CTIF: variants seen among roughly 807,000 people sequenced by gnomAD.
The protein encoded by CTIF is CBP80/20-dependent translation initiation factor.
CTIF carries 21 observed loss-of-function variants against 66.0 expected under a neutral mutation model. That is an observed-to-expected ratio of 0.32 (90% CI 0.23 to 0.46). The LOEUF (loss-of-function observed/expected upper bound fraction) is 0.46, where lower values mean the gene tolerates loss of function less well. Ranked by LOEUF, CTIF falls within the 20% of genes least tolerant of loss-of-function variation. The probability of loss-of-function intolerance (pLI) is 1.00; values close to 1 mark genes in which losing one functional copy is unlikely to be tolerated. For missense variants in CTIF, 739 were observed against 812.7 expected, an observed-to-expected ratio of 0.91 and a Z score of 1.10; for synonymous variants, 345 against 326.4, an observed-to-expected ratio of 1.06 and a Z score of -0.62.
chr18:48,689,321 ACT>A (rs2091891713), intron 6 of CTIF, among the ~76,000 whole-genome samples: 1 of 152,172 alleles, frequency 6.6e-6, no homozygotes. Flanking sequence ...CATAAAAATA[ACT>A]CAAATCTATG....
At chr18:48,742,153 C>G (rs1157610304) in intron 7 of CTIF, among the ~76,000 whole-genome samples, 1 of 152,218 alleles carries the variant, frequency 6.6e-6, no homozygotes, top group Non-Finnish European at 1.5e-5. Flanking sequence ...ACAGACAGGG[C>G]TTTTCTCATG....
chr18:48,764,537 C>T (rs1216226070), intron 9 of CTIF, among the ~76,000 whole-genome samples: 1 of 152,100 alleles, frequency 6.6e-6, no homozygotes, highest in Non-Finnish European at 1.5e-5. Context: ...AAAAGGAAGG[C>T]GCTGGAAGCC....
intron 1 of CTIF, among the ~76,000 whole-genome samples, chr18:48,610,740 A>C (rs2090293434): frequency 6.6e-6 from 1 of 152,336 alleles, no homozygotes; most frequent in African/African-American, 2.4e-5. Flanking sequence ...CCAGCTCCTC[A>C]GTGACTCATG....
At chr18:48,656,968 C>T (rs559766691) in intron 3 of CTIF, among the ~76,000 whole-genome samples, 3 of 152,128 alleles carry the variant, frequency 2.0e-5, no homozygotes, top group African/African-American at 4.8e-5. Context: ...TGAGTCTGTG[C>T]GAAGAAATAT....
intron 3 of CTIF, among the ~76,000 whole-genome samples, chr18:48,645,042 A>T (rs2091001354): frequency 6.6e-6 from 1 of 152,166 alleles, no homozygotes; most frequent in Non-Finnish European, 1.5e-5. Flanking sequence ...TATAGACCTA[A>T]ACTTCTGCTT....
intron 6 of CTIF, among the ~76,000 whole-genome samples, chr18:48,697,391 A>G (rs747704669): frequency 1.7e-4 from 26 of 152,234 alleles, no homozygotes; most frequent in Non-Finnish European, 3.7e-4. Flanking sequence ...CTGTGTGACC[A>G]GATGGATTCC....
chr18:48,723,336 G>GATGAATGA (rs150039010), intron 7 of CTIF, among the ~76,000 whole-genome samples: 30 of 151,850 alleles, frequency 2.0e-4, no homozygotes, highest in South Asian at 4.2e-4. Context: ...CATTCAAAGG[G>GATGAATGA]ATGAATGAAT....
At chr18:48,743,303 A>G (rs1448349788) in intron 7 of CTIF, among the ~76,000 whole-genome samples, 6 of 152,164 alleles carry the variant, frequency 3.9e-5, no homozygotes, top group Non-Finnish European at 5.9e-5. Flanking sequence ...ACGTCGTGCA[A>G]TTTGGACAGA....
intron 10 of CTIF, among the ~76,000 whole-genome samples, chr18:48,833,405 G>A (rs1010732013): frequency 1.3e-5 from 2 of 152,046 alleles, no homozygotes; most frequent in Admixed American, 6.5e-5. Flanking sequence ...AGTACAGATA[G>A]TGTGGGCTCG....
rs187588558 is a variant in CTIF at position 48,733,965 on chromosome 18, G to T, written c.584+22270G>T. 6.2e-4 allele frequency among the ~76,000 whole-genome samples: 95 copies of T among 152,356 alleles called. No homozygotes were observed. The East Asian group carries it at 7.3e-3, about 12-fold the overall frequency. On this transcript the variant is annotated intron_variant, in intron 7 of 11. Transcript: ENST00000256413. Reference sequence around the variant, plus strand: ...CAGGGGTCTTCATTCTCAAGGAGGCGGGTACAATTTGGGGCTCAATAAAAG... The same window carrying T: ...CAGGGGTCTTCATTCTCAAGGAGGCTGGTACAATTTGGGGCTCAATAAAAG...
intron 1 of CTIF, among the ~76,000 whole-genome samples, chr18:48,541,084 G>A (rs1011807942): frequency 6.6e-6 from 1 of 152,170 alleles, no homozygotes; most frequent in African/African-American, 2.4e-5. Context: ...GGGTGACCCC[G>A]CACCGAGGCG....
chr18:48,785,970 C>G (rs931496470), intron 9 of CTIF, among the ~76,000 whole-genome samples: 3 of 152,154 alleles, frequency 2.0e-5, no homozygotes, highest in Non-Finnish European at 4.4e-5. Context: ...TCACAGCAAC[C>G]CCGCCAGGGT....
At chr18:48,596,252 G>A (rs1191909104) in intron 1 of CTIF, among the ~76,000 whole-genome samples, 1 of 152,134 alleles carries the variant, frequency 6.6e-6, no homozygotes, top group Non-Finnish European at 1.5e-5. Context: ...AGGCAGCTCA[G>A]GCCTCGTGTG....
intron 1 of CTIF, among the ~76,000 whole-genome samples, chr18:48,557,470 T>G (rs1164728356): frequency 6.6e-6 from 1 of 152,202 alleles, no homozygotes; most frequent in Non-Finnish European, 1.5e-5. Flanking sequence ...CCTGGCAGCT[T>G]TGGCCACATC....
chr18:48,709,052 A>G (rs779758919), intron 6 of CTIF, among the ~76,000 whole-genome samples: 5 of 152,226 alleles, frequency 3.3e-5, no homozygotes, highest in Non-Finnish European at 7.3e-5. Flanking sequence ...GCATTATCCT[A>G]TGTTCTTTAC....
At chr18:48,763,298 G>A (rs977476060) in intron 9 of CTIF, among the ~76,000 whole-genome samples, 2 of 152,234 alleles carry the variant, frequency 1.3e-5, no homozygotes, top group Admixed American at 1.3e-4. Context: ...GGGGCACTTG[G>A]GGAGGGCAGC....
chr18:48,759,182 C>T (rs557426464), intron 8 of CTIF, among the ~76,000 whole-genome samples: 75 of 152,230 alleles, frequency 4.9e-4, no homozygotes, highest in Non-Finnish European at 9.3e-4. Context: ...CCACCACCCC[C>T]GACCCCACTG....
chr18:48,731,180 C>T (rs1169802077), intron 7 of CTIF, among the ~76,000 whole-genome samples: 4 of 152,072 alleles, frequency 2.6e-5, no homozygotes, highest in African/African-American at 9.7e-5. Flanking sequence ...ACAGTGCCTA[C>T]CCTGTTGGGG....
At chr18:48,789,698 T>C (rs778691281) in intron 9 of CTIF, among the ~76,000 whole-genome samples, 1 of 152,154 alleles carries the variant, frequency 6.6e-6, no homozygotes, top group Non-Finnish European at 1.5e-5. Context: ...TGGGCAGAAA[T>C]TGGCAAGCTG....
Sources: gnomAD v4.1 joint callset for allele counts (sites outside exome capture counted in the v4.1 genomes callset) on GRCh38, gnomAD v4.1.1 for gene constraint, MANE v1.5 for transcripts, NCBI Gene and HGNC (gene_info 2026-07-23, HGNC 2026-07-21) for gene names.